MKI67: variants seen among roughly 807,000 people sequenced by gnomAD.
The protein encoded by MKI67 is marker of proliferation Ki-67, also known as proliferation marker protein Ki-67.
Under a neutral mutation model 233.5 loss-of-function variants are expected in MKI67, and 152 were observed. That is an observed-to-expected ratio of 0.65 (90% CI 0.57 to 0.74). The LOEUF is 0.74. MKI67 is among the 30% of genes least tolerant of loss of function. MKI67 has a pLI of 0.00. For synonymous variants in MKI67, 1,465 were observed against 1,418.5 expected (o/e 1.03, Z -0.74); for missense variants, 3,940 against 3,885.2 (o/e 1.01, Z -0.37).
rs758856522 is a variant in MKI67 at position 128,103,242 on chromosome 10, C to T, written c.8598G>A (p.Gly2866=). ...LAVGKLTQTS[G]ETTHTDKEPV... is the part of the protein sequence containing the mutation. Reference sequence around the variant, plus strand: ...GCTCTTTGTCGGTGTGCGTGGTCTCCCCTGAGGTTTGTGTGAGCTTGCCAA... The same window carrying T: ...GCTCTTTGTCGGTGTGCGTGGTCTCTCCTGAGGTTTGTGTGAGCTTGCCAA... Residue 2866 remains glycine (G), a synonymous_variant, in exon 13 of 15, where the codon GGG becomes GGA. Coordinates refer to ENST00000368654, the MANE Select transcript of MKI67 (RefSeq NM_002417.5). 24 of 1,613,994 alleles carry T rather than the reference C, an allele frequency of 1.5e-5. No homozygotes were observed. The highest frequency in any genetic ancestry group is 1.9e-5 in the Non-Finnish European group (22 of 1,180,020).
chr10:128,126,371 C>A lies in MKI67; in HGVS notation c.-362G>T. ...CCGGCTCTAGCGGCTCCCACCGAGT[C>A]GAGTCCTCCCGCCCGCCCGCCCGCC... On this transcript the variant is annotated 5_prime_UTR_variant, in exon 1 of 15. Transcript: ENST00000368654. The A allele has an allele frequency of 1.9e-5, 2 of 107,572 alleles. No homozygotes were observed. Among genetic ancestry groups the A allele is most frequent in the South Asian group, 2.9e-4 (1 of 3,490 alleles). The allele number at this position is 107,572 out of a possible 1,614,324, so 6.7% of individuals were successfully genotyped here.
At position 128,103,307 on chromosome 10, in the gene MKI67, G is replaced by A. The variant is rs200476498; in HGVS notation, c.8533C>T (p.Arg2845Cys). 10 of 1,614,142 alleles carry A rather than the reference G, an allele frequency of 6.2e-6. No homozygotes were observed. Among genetic ancestry groups the A allele is most frequent in the African/African-American group, 5.3e-5 (4 of 75,042 alleles). Residue 2845 changes from arginine to cysteine, a missense_variant, in exon 13 of 15, where the codon CGT (arginine) becomes TGT (cysteine). By Grantham distance (180) the Arg-to-Cys change is radical. Coordinates refer to ENST00000368654, the MANE Select transcript of MKI67 (RefSeq NM_002417.5). ...ATSSKRRPRT[R>C]AQKVEVKEEL... ...TCCTTCACTTCTACTTTCTGGGCAC[G>A]TGTCCTGGGCCGTCTCTTTGAGCTT...
At chr10:128,119,354 A>G in intron 4 of MKI67, 35 bp from the exon 5 acceptor site, 1 of 1,461,114 alleles carries the variant, frequency 6.8e-7, no homozygotes, top group Non-Finnish European at 9.6e-7. Context: ...TCCTGATTAA[A>G]AATTTATACC....
chr10:128,105,664 A>G lies in MKI67; in HGVS notation c.6176T>C (p.Met2059Thr), dbSNP rs201631303. 6.2e-7 allele frequency: 1 copy of G among 1,612,010 alleles called. No homozygotes were observed. Among genetic ancestry groups the G allele is most frequent in the South Asian group, 1.1e-5 (1 of 90,978 alleles). ...CTTAGGTGTTCTTGGCCACCTCTCC[A>G]TCCCAGTTCCATAGTTTGCTGGGTC... is the stretch of plus-strand genomic sequence containing the variant. ...MLDPANYGTG[M>T]ERWPRTPKEE... Residue 2059 changes from methionine (M) to threonine (T), a missense_variant, in exon 13 of 15, where the codon ATG becomes ACG. Physicochemically the swap from Met to Thr is moderately conservative, Grantham distance 81. Transcript: ENST00000368654.
Position 128,108,779 on chromosome 10 carries a change from T to C in MKI67, c.3061A>G (p.Thr1021Ala), listed in dbSNP as rs1209167486. Residue 1021 changes from threonine to alanine, a missense_variant, in exon 13 of 15, where the codon ACA becomes GCA. Physicochemically the swap from Thr to Ala is moderately conservative, Grantham distance 58. Coordinates refer to ENST00000368654, the MANE Select transcript of MKI67 (RefSeq NM_002417.5). ...QPEPINTPTH[T>A]KQQLKASLGK... Reference sequence around the variant, plus strand: ...AGGGATGCCTTCAACTGTTGTTTTGTGTGTGTTGGGGTGTTTATTGGTTCT... The same window carrying C: ...AGGGATGCCTTCAACTGTTGTTTTGCGTGTGTTGGGGTGTTTATTGGTTCT... The C allele has an allele frequency of 6.2e-7, 1 of 1,614,214 alleles. No individual in the cohort carries two copies. Among genetic ancestry groups the C allele is most frequent in the South Asian group, 1.1e-5 (1 of 91,090 alleles).
intron 6 of MKI67, 78 bp downstream of exon 6, chr10:128,116,413 G>C: frequency 7.7e-7 from 1 of 1,291,272 alleles, no homozygotes; most frequent in Non-Finnish European, 1.1e-6. Context: ...TTGCATTCTT[G>C]TTGCCCCTTC....
chr10:128,109,105 G>A lies in MKI67; in HGVS notation c.2735C>T (p.Thr912Ile), dbSNP rs879245541. ...TCCTTCTCTCCTTTGTTGTAGTAGT[G>A]TTGCCTTCTGACCTCTTTTTAGGAT... is the stretch of plus-strand genomic sequence containing the variant. The part of the protein sequence containing the change: ...ECILKRGQKA[T>I]LLQQRREGEM... The change falls in exon 13 of 15, where the codon ACA (threonine) becomes ATA (isoleucine). Residue 912 changes from threonine to isoleucine, a missense_variant. Thr to Ile is a moderately conservative substitution (Grantham distance 89). Coordinates refer to ENST00000368654, the MANE Select transcript of MKI67 (RefSeq NM_002417.5). 6.2e-7 allele frequency: 1 copy of A among 1,614,036 alleles called. No individual in the cohort carries two copies.
chr10:128,102,336 G>C (rs532279769), intron 13 of MKI67, among the ~76,000 whole-genome samples: 1 of 152,266 alleles, frequency 6.6e-6, no homozygotes, highest in South Asian at 2.1e-4. Context: ...TACTCATTTG[G>C]CTTTTGAGAA....
rs903657306 is a variant in MKI67, at chr10:128,097,984, A to T, written c.*1206T>A. 2.0e-5 allele frequency: 3 copies of T among 152,272 alleles called. No individual in the cohort carries two copies. The highest frequency in any genetic ancestry group is 1.3e-4 in the Admixed American group (2 of 15,286). 9.4% of individuals were successfully genotyped at this position (152,272 alleles called of 1,614,324 possible). ...CGTGGAGACAGGGCACTGCCCGCAC[A>T]GGGCACATTTTGGGGGACAGCTACC... On this transcript the variant is annotated 3_prime_UTR_variant, in exon 15 of 15. Coordinates refer to ENST00000368654, the MANE Select transcript of MKI67 (RefSeq NM_002417.5).
chr10:128,102,776 C>T lies in MKI67; in HGVS notation c.9064G>A (p.Val3022Met), dbSNP rs777647636. The T allele has an allele frequency of 1.9e-6, 3 of 1,614,116 alleles. No homozygotes were observed. Among genetic ancestry groups the T allele is most frequent in the Non-Finnish European group, 2.5e-6 (3 of 1,180,052 alleles). Residue 3022 changes from valine (V) to methionine (M), a missense_variant, in exon 13 of 15, where the codon GTG (valine) becomes ATG (methionine). Transcript: ENST00000368654. ...LRCMPAPEEI[V>M]EELPASKKQR... ...TTCTTGCTGGCTGGCAGCTCCTCCA[C>T]AATTTCCTCTGGTGCTGGCATGCAG... is the stretch of plus-strand genomic sequence containing the variant.
Position 128,112,271 on chromosome 10 carries a change from T to C in MKI67, c.1831A>G (p.Thr611Ala), listed in dbSNP as rs558577311. The change falls in exon 9 of 15, where the codon ACA becomes GCA. Residue 611 changes from threonine (T) to alanine (A), a missense_variant. Physicochemically the swap from Thr to Ala is moderately conservative, Grantham distance 58. Coordinates refer to ENST00000368654, the MANE Select transcript of MKI67 (RefSeq NM_002417.5). ...TAPASSSKSQ[T>A]EVPKRGGRKS... ...CTCCCTCCTCTCTTAGGAACCTCTG[T>C]CTGAGATTTGCTGCTGGAAGCAGGG... 6.2e-7 allele frequency: 1 copy of C among 1,614,196 alleles called. No homozygotes were observed. Among genetic ancestry groups the C allele is most frequent in the South Asian group, 1.1e-5 (1 of 91,082 alleles).
In MKI67 at chr10:128,108,930, C is replaced by T; in HGVS notation, c.2910G>A (p.Leu970=). ...TGTCTTTCATGAGTTCTGTATCAGG[C>T]AAGCTCTTGAGGTCTGTCAGGTCAG... ...PMSDLTDLKS[L]PDTELMKDTA... is the part of the protein sequence containing the mutation. The change falls in exon 13 of 15, where the codon TTG becomes TTA. Residue 970 remains leucine (L), a synonymous_variant. Transcript: ENST00000368654. The T allele has an allele frequency of 6.2e-7, 1 of 1,614,264 alleles. No individual in the cohort carries two copies. Among genetic ancestry groups the T allele is most frequent in the Non-Finnish European group, 8.5e-7 (1 of 1,180,052 alleles).
chr10:128,111,690 T>G lies in MKI67; in HGVS notation c.2215A>C (p.Asn739His). 1 of 1,613,168 alleles carries G rather than the reference T, an allele frequency of 6.2e-7. No homozygotes were observed. Among genetic ancestry groups the G allele is most frequent in the Non-Finnish European group, 8.5e-7 (1 of 1,179,800 alleles). The change falls in exon 11 of 15, where the codon AAC becomes CAC. Residue 739 changes from asparagine to histidine, a missense_variant. Transcript: ENST00000368654. Reference protein sequence around the residue: ...VPARPYRVLNNFISNQKMDFK... With the variant: ...VPARPYRVLNHFISNQKMDFK... ...TCCATTTTTTGGTTGGAAATGAAGT[T>G]GTTGAGCACTCTGTAGGGTCGAGCA... is the stretch of plus-strand genomic sequence containing the variant.
In MKI67 at chr10:128,106,035, A is replaced by T. The variant is rs1852482309; in HGVS notation, c.5805T>A (p.Pro1935=). Residue 1935 remains proline (P), a synonymous_variant, in exon 13 of 15, where the codon CCT becomes CCA. Transcript: ENST00000368654. ...VEKLDLLGNL[P]GSKRRPQTPK... ...GAGTTTGTGGCCGTCTCTTGCTGCC[A>T]GGTAAATTTCCTAGCAGGTCCAGTT... 6.2e-7 allele frequency: 1 copy of T among 1,614,132 alleles called. No homozygotes were observed. Among genetic ancestry groups the T allele is most frequent in the Non-Finnish European group, 8.5e-7 (1 of 1,180,014 alleles).
rs267602413 is a variant in MKI67 at position 128,102,948 on chromosome 10, C to T, written c.8892G>A (p.Arg2964=). Reference sequence around the variant, plus strand: ...CTCCCACGGGTTCTACTTTAGGGGCCCGAAGAACTCTTCTGGATATTTTTA... The same window carrying T: ...CTCCCACGGGTTCTACTTTAGGGGCTCGAAGAACTCTTCTGGATATTTTTA... The part of the protein sequence containing the change: ...KPLKISRRVL[R]APKVEPVGDV... Residue 2964 remains arginine (R), a synonymous_variant, in exon 13 of 15, where the codon CGG becomes CGA. Transcript: ENST00000368654. The T allele has an allele frequency of 6.2e-7, 1 of 1,614,214 alleles. No individual in the cohort carries two copies. The highest frequency in any genetic ancestry group is 2.2e-5 in the East Asian group (1 of 44,892).
chr10:128,118,613 G>A (rs1323084894), intron 5 of MKI67, among the ~76,000 whole-genome samples: 2 of 152,108 alleles, frequency 1.3e-5, no homozygotes, highest in Admixed American at 6.5e-5. Context: ...GCCGACAACT[G>A]TGTTTTAATA....
intron 5 of MKI67, among the ~76,000 whole-genome samples, chr10:128,117,329 G>C (rs987662442): frequency 2.6e-5 from 4 of 152,198 alleles, no homozygotes; most frequent in African/African-American, 9.7e-5. Context: ...TGGATACTTA[G>C]GGTGGATCTG....
At chr10:128,113,379 G>A (rs748424711) in intron 8 of MKI67, 48 bp downstream of exon 8, 42 of 1,571,926 alleles carry the variant, frequency 2.7e-5, no homozygotes, top group South Asian at 4.5e-5. Context: ...ATAGGTACCC[G>A]GTGTGTGAGC....
At chr10:128,110,063 A>G (rs1033691563) in intron 12 of MKI67, among the ~76,000 whole-genome samples, 3 of 152,228 alleles carry the variant, frequency 2.0e-5, no homozygotes, top group Non-Finnish European at 4.4e-5. Context: ...TGAGTAATTT[A>G]TATGTAAATA....
Sources: gnomAD v4.1 joint callset for allele counts (sites outside exome capture counted in the v4.1 genomes callset) on GRCh38, gnomAD v4.1.1 for gene constraint, MANE v1.5 for transcripts, NCBI Gene and HGNC (gene_info 2026-07-23, HGNC 2026-07-21) for gene names.